The following KCNN3 variants were observed in gnomAD, a reference collection of about 807,000 sequenced individuals.
KCNN3 encodes the protein small conductance calcium-activated potassium channel protein 3.
A neutral mutation model predicts 62.9 loss-of-function variants in KCNN3; 16 were observed. The observed-to-expected ratio is 0.25, with a 90% CI of 0.17 to 0.39. The LOEUF is 0.39. Ranked by LOEUF, KCNN3 falls within the 10% of genes least tolerant of loss-of-function variation. The pLI is 1.00. For synonymous variants in KCNN3, 370 were observed against 389.2 expected (o/e 0.95, Z 0.58); for missense variants, 599 against 949.4 (o/e 0.63, Z 4.85).
At chr1:154,734,243 C>A (rs946704088) in intron 3 of KCNN3, among the ~76,000 whole-genome samples, 2 of 152,224 alleles carry the variant, frequency 1.3e-5, no homozygotes, top group African/African-American at 4.8e-5. Flanking sequence ...GCCTGAACAA[C>A]ACACAATAGA....
chr1:154,786,070 C>T (rs750756448), intron 2 of KCNN3, among the ~76,000 whole-genome samples: 5 of 152,302 alleles, frequency 3.3e-5, no homozygotes, highest in South Asian at 4.2e-4. Context: ...CCTTCTTGAT[C>T]GTCCATCTGA....
At chr1:154,737,987 C>G (rs1435308814) in intron 3 of KCNN3, among the ~76,000 whole-genome samples, 1 of 152,030 alleles carries the variant, frequency 6.6e-6, no homozygotes, top group East Asian at 1.9e-4. Context: ...CCAATTCAAA[C>G]AGTAGAAGTT....
intron 1 of KCNN3, among the ~76,000 whole-genome samples, chr1:154,840,838 C>T (rs753196911): frequency 6.6e-6 from 1 of 152,204 alleles, no homozygotes; most frequent in Non-Finnish European, 1.5e-5. Flanking sequence ...AAAGAAGCAG[C>T]CCCTCCCACG....
intron 1 of KCNN3, among the ~76,000 whole-genome samples, chr1:154,834,799 G>A (rs914556981): frequency 1.3e-5 from 2 of 152,178 alleles, no homozygotes; most frequent in African/African-American, 4.8e-5. Context: ...GCTGAACTGT[G>A]GGAGCCAGAC....
chr1:154,791,425 T>C (rs1649514649), intron 2 of KCNN3, among the ~76,000 whole-genome samples: 1 of 151,912 alleles, frequency 6.6e-6, no homozygotes, highest in African/African-American at 2.4e-5. Flanking sequence ...GCAGGTGGGA[T>C]GGGTGATCGG....
intron 2 of KCNN3, among the ~76,000 whole-genome samples, chr1:154,777,623 T>G (rs979754878): frequency 9.9e-5 from 15 of 152,272 alleles, no homozygotes; most frequent in African/African-American, 3.6e-4. Context: ...ACCAGGATCT[T>G]GAGTAGCACT....
rs77088118 is a variant in KCNN3 at position 154,802,349 on chromosome 1, C to T, written c.1029+19740G>A. On this transcript the variant is annotated intron_variant, in intron 2 of 7. Transcript: ENST00000271915. ...ACCTGCATGGAGCTCAAGCCACTACCCCGCACCCAGGAGCTCACTCCAGAG... is the reference window on the plus strand; with the variant it reads ...ACCTGCATGGAGCTCAAGCCACTACTCCGCACCCAGGAGCTCACTCCAGAG... Among the ~76,000 whole-genome samples the T allele has an allele frequency of 2.7e-3, 413 of 152,290 alleles. 11 individuals carry two copies. In the East Asian group the frequency reaches 0.046, roughly 17 times the overall value.
At position 154,820,491 on chromosome 1, in the gene KCNN3, G is replaced by A. The variant is rs1004174346; in HGVS notation, c.1029+1598C>T. Among the ~76,000 whole-genome samples, 4 of 152,318 alleles carry A rather than the reference G, an allele frequency of 2.6e-5. No homozygotes were observed. The East Asian group carries it at 7.7e-4, about 29-fold the overall frequency. On this transcript the variant is annotated intron_variant, in intron 2 of 7. Coordinates refer to ENST00000271915, the MANE Select transcript of KCNN3 (RefSeq NM_002249.6). Reference sequence around the variant, plus strand: ...GGTCAGGGTGACACATAGTAATACAGTCTCCCTACAGATGAGAACATGAAC... The same window carrying A: ...GGTCAGGGTGACACATAGTAATACAATCTCCCTACAGATGAGAACATGAAC...
intron 1 of KCNN3, among the ~76,000 whole-genome samples, chr1:154,832,035 T>C (rs183847391): frequency 3.9e-4 from 59 of 152,148 alleles, no homozygotes; most frequent in Admixed American, 3.8e-3. Flanking sequence ...GGCCTATGCT[T>C]ACAGGGGCAG....
chr1:154,851,359 A>AG (rs1652293275), intron 1 of KCNN3, among the ~76,000 whole-genome samples: 1 of 152,174 alleles, frequency 6.6e-6, no homozygotes, highest in African/African-American at 2.4e-5. Flanking sequence ...TCAGGAGCCC[A>AG]GGCAGAAGCT....
chr1:154,793,925 C>T (rs1227278922), intron 2 of KCNN3, among the ~76,000 whole-genome samples: 2 of 152,294 alleles, frequency 1.3e-5, no homozygotes, highest in African/African-American at 4.8e-5. Flanking sequence ...GGATCCTTTC[C>T]CCCATGCATG....
chr1:154,714,612 G>GTGTGT (rs1553227050), intron 6 of KCNN3, among the ~76,000 whole-genome samples: 1,345 of 24,826 alleles, frequency 0.054, 97 homozygotes, highest in Middle Eastern at 0.12. Flanking sequence ...TGTGGTGTGT[G>GTGTGT]GTGTGTGTGT....
chr1:154,772,258 G>A lies in KCNN3; in HGVS notation c.1165C>T (p.Arg389Cys). ...PGEYKFFWTA[R>C]LAFSYTPSRA... Reference sequence around the variant, plus strand: ...GAGGGTGTGTAGGAGAAGGCCAGGCGTGCCGTCCAGAAGAACTTGTACTCG... The same window carrying A: ...GAGGGTGTGTAGGAGAAGGCCAGGCATGCCGTCCAGAAGAACTTGTACTCG... The change falls in exon 3 of 8, where the codon CGC becomes TGC. Residue 389 changes from arginine (R) to cysteine (C), a missense_variant. This residue lies in a region of KCNN3 where 288 missense variants were observed against 557.4 expected (regional missense o/e 0.52). Transcript: ENST00000271915. This position sits in a 1 kb window ranked among gnomAD's most constrained non-coding sequence, Gnocchi z 5.6. 1.9e-6 allele frequency: 3 copies of A among 1,614,244 alleles called. No individual in the cohort carries two copies. Among genetic ancestry groups the A allele is most frequent in the Non-Finnish European group, 2.5e-6 (3 of 1,180,040 alleles).
intron 3 of KCNN3, among the ~76,000 whole-genome samples, chr1:154,769,946 A>G (rs965835053): frequency 6.6e-6 from 1 of 152,238 alleles, no homozygotes; most frequent in Non-Finnish European, 1.5e-5. Flanking sequence ...GACTCTAACA[A>G]TAAATCCTGT....
chr1:154,870,196 G>C lies in KCNN3; in HGVS notation c.-232C>G, dbSNP rs1358763026. The C allele has an allele frequency of 5.7e-6, 4 of 696,046 alleles. No individual in the cohort carries two copies. The highest frequency in any genetic ancestry group is 7.9e-6 in the Non-Finnish European group (3 of 380,450). 43.1% of individuals were successfully genotyped at this position (696,046 alleles called of 1,614,324 possible). ...AGAGCAGGAGGGGAGCTTGGAGAAA[G>C]AAGAGGGGGTGAAAGAACTCTCTCA... On this transcript the variant is annotated 5_prime_UTR_variant, in exon 1 of 8. Coordinates refer to ENST00000271915, the MANE Select transcript of KCNN3 (RefSeq NM_002249.6).
At chr1:154,728,860 G>A (rs943180938) in intron 4 of KCNN3, among the ~76,000 whole-genome samples, 1 of 152,196 alleles carries the variant, frequency 6.6e-6, no homozygotes, top group African/African-American at 2.4e-5. Context: ...CCTAAGGCTT[G>A]AGCCAGAAGT....
chr1:154,837,175 T>C (rs1471574502), intron 1 of KCNN3, among the ~76,000 whole-genome samples: 2 of 152,030 alleles, frequency 1.3e-5, no homozygotes, highest in Non-Finnish European at 2.9e-5. Context: ...CTCAGCTCAC[T>C]GCAATCTCTG....
At chr1:154,721,100 T>A (rs1305948483) in intron 5 of KCNN3, among the ~76,000 whole-genome samples, 2 of 152,082 alleles carry the variant, frequency 1.3e-5, no homozygotes, top group African/African-American at 4.8e-5. Flanking sequence ...GGAAGTGTAC[T>A]TGGGTGAGCT....
intron 5 of KCNN3, among the ~76,000 whole-genome samples, chr1:154,716,207 GTT>G (rs986828070): frequency 3.3e-5 from 5 of 152,234 alleles, no homozygotes; most frequent in African/African-American, 9.6e-5. Context: ...AGGGGACAAA[GTT>G]TTAATCCAAA....
Sources: allele counts gnomAD v4.1 joint callset (sites outside exome capture counted in the v4.1 genomes callset), GRCh38; gene constraint gnomAD v4.1.1; regional missense constraint gnomAD v4.1.1; non-coding constraint Gnocchi (gnomAD v3.1); transcripts MANE v1.5; gene names NCBI Gene and HGNC (gene_info 2026-07-23, HGNC 2026-07-21).